Variants in PDLIM5 observed in about 807,000 individuals in gnomAD.
PDLIM5 encodes the protein PDZ and LIM domain protein 5.
PDLIM5 carries 34 observed loss-of-function variants against 64.2 expected under a neutral mutation model. The observed-to-expected ratio is 0.53, with a 90% confidence interval of 0.40 to 0.71. The LOEUF (loss-of-function observed/expected upper bound fraction) is 0.71. Among genes scored for constraint, PDLIM5 ranks in the 30% least tolerant of loss-of-function variants. The pLI is 0.00. For missense variants in PDLIM5, 683 were observed against 733.6 expected, an observed-to-expected ratio of 0.93 and a Z score of 0.80; for synonymous variants, 253 against 269.1, an observed-to-expected ratio of 0.94 and a Z score of 0.59.
chr4:94,612,630 T>C (rs1738470433), intron 7 of PDLIM5, among the ~76,000 whole-genome samples: 1 of 152,164 alleles, frequency 6.6e-6, no homozygotes, highest in African/African-American at 2.4e-5. Context: ...GTCATCACCA[T>C]TGCTTCTTAT....
intron 7 of PDLIM5, among the ~76,000 whole-genome samples, chr4:94,606,711 T>C (rs1737955115): frequency 6.6e-6 from 1 of 152,114 alleles, no homozygotes; most frequent in African/African-American, 2.4e-5. Flanking sequence ...AGGACAGGGG[T>C]CAGCAAATTT....
At chr4:94,563,889 T>G (rs1264908337) in intron 3 of PDLIM5, among the ~76,000 whole-genome samples, 2 of 152,094 alleles carry the variant, frequency 1.3e-5, no homozygotes, top group Non-Finnish European at 2.9e-5. Context: ...ACACTGAGAT[T>G]TGGATTTAAT....
At position 94,585,581 on chromosome 4, in the gene PDLIM5, A is replaced by G. The variant is rs1736117106; in HGVS notation, c.727A>G (p.Ile243Val). 1.3e-6 allele frequency: 2 copies of G among 1,596,052 alleles called. No individual in the cohort carries two copies. The highest frequency in any genetic ancestry group is 1.7e-6 in the Non-Finnish European group (2 of 1,168,888). Residue 243 changes from isoleucine (I) to valine (V), a missense_variant, in exon 6 of 13, where the codon ATT (isoleucine) becomes GTT (valine). Ile to Val is a conservative substitution (Grantham distance 29, BLOSUM62 3). Coordinates refer to ENST00000317968, the MANE Select transcript of PDLIM5 (RefSeq NM_006457.5). ...KQQNGPPRKHIVERYTEFYHV... is the reference protein window; with the variant it reads ...KQQNGPPRKHVVERYTEFYHV... ...TAACCCTAGCCCACCAAGAAAACACATTGTGGAGCGCTATACAGAGTTTTA... is the reference window on the plus strand; with the variant it reads ...TAACCCTAGCCCACCAAGAAAACACGTTGTGGAGCGCTATACAGAGTTTTA...
intron 2 of PDLIM5, among the ~76,000 whole-genome samples, chr4:94,520,007 C>T: frequency 6.6e-6 from 1 of 152,112 alleles, no homozygotes; most frequent in East Asian, 1.9e-4. Flanking sequence ...ATATTAGATC[C>T]TTTCGTACTG....
chr4:94,591,374 C>T (rs1736661428), intron 7 of PDLIM5, among the ~76,000 whole-genome samples: 1 of 152,216 alleles, frequency 6.6e-6, no homozygotes. Flanking sequence ...TGATTACTTT[C>T]TGTCCCCAAG....
intron 3 of PDLIM5, among the ~76,000 whole-genome samples, chr4:94,530,217 G>A (rs1414994707): frequency 6.6e-6 from 1 of 152,052 alleles, no homozygotes; most frequent in Non-Finnish European, 1.5e-5. Context: ...AAAAATAGTG[G>A]TTCTTGTTCT....
At chr4:94,615,763 T>A (rs1039408808) in intron 7 of PDLIM5, among the ~76,000 whole-genome samples, 2 of 152,158 alleles carry the variant, frequency 1.3e-5, no homozygotes, top group African/African-American at 4.8e-5. Context: ...AGGAACAGAT[T>A]TTTTTCCTTT....
chr4:94,601,645 C>G (rs1215783105), intron 7 of PDLIM5, among the ~76,000 whole-genome samples: 1 of 152,152 alleles, frequency 6.6e-6, no homozygotes, highest in East Asian at 1.9e-4. Flanking sequence ...CCTCTAAGAT[C>G]CAGTCCTCCT....
At chr4:94,504,072 C>G (rs958757933) in intron 2 of PDLIM5, among the ~76,000 whole-genome samples, 2 of 152,076 alleles carry the variant, frequency 1.3e-5, no homozygotes, top group Non-Finnish European at 2.9e-5. Flanking sequence ...CAATCATTTA[C>G]TAGTGTTATC....
At chr4:94,477,674 G>T (rs1725446773) in intron 2 of PDLIM5, among the ~76,000 whole-genome samples, 1 of 152,092 alleles carries the variant, frequency 6.6e-6, no homozygotes. Context: ...GCTGACTCCT[G>T]AACCACATGA....
At chr4:94,651,337 C>T (rs531143179) in intron 9 of PDLIM5, among the ~76,000 whole-genome samples, 2 of 152,198 alleles carry the variant, frequency 1.3e-5, no homozygotes, top group African/African-American at 4.8e-5. Context: ...TTTAAAGGTG[C>T]AGTGGGAATT....
intron 2 of PDLIM5, among the ~76,000 whole-genome samples, chr4:94,485,625 A>G (rs1726243843): frequency 6.6e-6 from 1 of 151,822 alleles, no homozygotes; most frequent in Admixed American, 6.6e-5. Context: ...CAAGGTCAGG[A>G]GTTCAAGACC....
intron 9 of PDLIM5, among the ~76,000 whole-genome samples, chr4:94,643,420 C>T (rs1008671598): frequency 7.2e-5 from 11 of 152,074 alleles, no homozygotes; most frequent in Non-Finnish European, 1.6e-4. Flanking sequence ...TGTTGGAGTG[C>T]TAGGATAATA....
At chr4:94,622,992 A>G (rs1359997929) in intron 8 of PDLIM5, among the ~76,000 whole-genome samples, 1 of 152,164 alleles carries the variant, frequency 6.6e-6, no homozygotes, top group Non-Finnish European at 1.5e-5. Flanking sequence ...CTATTAAAAT[A>G]AAGACCTTAA....
chr4:94,497,533 A>G (rs939129192), intron 2 of PDLIM5, among the ~76,000 whole-genome samples: 18 of 152,202 alleles, frequency 1.2e-4, no homozygotes. Context: ...TAAATTGATT[A>G]TGCTCATCTT....
intron 2 of PDLIM5, among the ~76,000 whole-genome samples, chr4:94,461,314 T>C (rs1723860575): frequency 6.6e-6 from 1 of 152,130 alleles, no homozygotes; most frequent in Non-Finnish European, 1.5e-5. Flanking sequence ...GAAATAACAA[T>C]ATGTGGATCT....
intron 1 of PDLIM5, among the ~76,000 whole-genome samples, chr4:94,453,785 T>A (rs551375675): frequency 1.3e-5 from 2 of 152,208 alleles, no homozygotes; most frequent in African/African-American, 4.8e-5. Flanking sequence ...TTCACCTATA[T>A]ATACAGTTTG....
At chr4:94,563,018 A>G (rs1446691087) in intron 3 of PDLIM5, among the ~76,000 whole-genome samples, 1 of 152,202 alleles carries the variant, frequency 6.6e-6, no homozygotes, top group Non-Finnish European at 1.5e-5. Context: ...GTCTTCTATT[A>G]TAAGCAAAAT....
chr4:94,523,020 A>G (rs557194949), intron 2 of PDLIM5, among the ~76,000 whole-genome samples: 2 of 152,186 alleles, frequency 1.3e-5, no homozygotes, highest in Non-Finnish European at 2.9e-5. Context: ...ACGAAATTTG[A>G]AGGAGATCAG....
Sources: allele counts gnomAD v4.1 joint callset (sites outside exome capture counted in the v4.1 genomes callset), GRCh38; gene constraint gnomAD v4.1.1; transcripts MANE v1.5; gene names NCBI Gene and HGNC (gene_info 2026-07-23, HGNC 2026-07-21).